The following ZNF804A variants were observed in gnomAD, a reference collection of about 807,000 sequenced individuals.
The protein encoded by ZNF804A is zinc finger protein 804A.
ZNF804A carries 2 observed loss-of-function variants against 16.5 expected under a neutral mutation model. That is an observed-to-expected ratio of 0.12 (90% confidence interval 0.05 to 0.38). The LOEUF (loss-of-function observed/expected upper bound fraction) is 0.38, where lower values mean the gene tolerates loss of function less well. ZNF804A is among the 10% of genes least tolerant of loss of function. The pLI, the probability that ZNF804A is intolerant of heterozygous loss-of-function variation, is 0.99. For synonymous variants in ZNF804A, 534 were observed against 489.6 expected, an observed-to-expected ratio of 1.09 and a Z score of -1.20; for missense variants, 1,473 against 1,390.7, an observed-to-expected ratio of 1.06 and a Z score of -0.94.
At chr2:184,684,545 C>A (rs954229109) in intron 1 of ZNF804A, among the ~76,000 whole-genome samples, 2 of 151,928 alleles carry the variant, frequency 1.3e-5, no homozygotes, top group Non-Finnish European at 2.9e-5. Context: ...GCTGAAGAAT[C>A]ATTTTTTGTT....
intron 2 of ZNF804A, among the ~76,000 whole-genome samples, chr2:184,899,814 T>A (rs991371464): frequency 5.3e-5 from 8 of 151,998 alleles, no homozygotes; most frequent in Non-Finnish European, 1.0e-4. Flanking sequence ...GTGCAAATAA[T>A]GCCTTGTGTT....
intron 1 of ZNF804A, among the ~76,000 whole-genome samples, chr2:184,791,539 AT>A (rs1694544123): frequency 6.6e-6 from 1 of 151,766 alleles, no homozygotes; most frequent in Non-Finnish European, 1.5e-5. Context: ...AACAGACTTT[AT>A]TTTTAGAGCA....
chr2:184,866,159 T>A (rs1695874591), intron 1 of ZNF804A, among the ~76,000 whole-genome samples: 1 of 152,304 alleles, frequency 6.6e-6, no homozygotes, highest in South Asian at 2.1e-4. Context: ...TTTGTGCTAT[T>A]TTTCTGTTAT....
At chr2:184,677,087 CTAT>C (rs995693522) in intron 1 of ZNF804A, among the ~76,000 whole-genome samples, 1 of 151,494 alleles carries the variant, frequency 6.6e-6, no homozygotes, top group African/African-American at 2.4e-5. Context: ...TATTTTTTCC[CTAT>C]TATTATCAGA....
intron 1 of ZNF804A, among the ~76,000 whole-genome samples, chr2:184,689,744 A>G (rs1003327879): frequency 2.6e-5 from 4 of 152,040 alleles, no homozygotes; most frequent in African/African-American, 9.7e-5. Context: ...CTGCTCTTCA[A>G]CAGGGCTGCC....
intron 2 of ZNF804A, among the ~76,000 whole-genome samples, chr2:184,870,587 G>A (rs980566445): frequency 1.2e-4 from 18 of 151,978 alleles, no homozygotes; most frequent in African/African-American, 4.3e-4. Context: ...ACTCTTCCAT[G>A]TGCCATTCAA....
In ZNF804A at chr2:184,879,204, A is replaced by G. The variant is rs563257145; in HGVS notation, c.255+12692A>G. ...ACATTCTTTATTAATGAATACAAAT[A>G]TTTGCAATCTTGGTAATTTGAGGTT... On this transcript the variant is annotated intron_variant, in intron 2 of 3. Transcript: ENST00000302277. 3.3e-5 allele frequency among the ~76,000 whole-genome samples: 5 copies of G among 152,080 alleles called. No individual in the cohort carries two copies. The South Asian group carries it at 6.2e-4, about 19-fold the overall frequency.
chr2:184,874,044 A>C (rs1439019892), intron 2 of ZNF804A, among the ~76,000 whole-genome samples: 1 of 152,162 alleles, frequency 6.6e-6, no homozygotes, highest in Non-Finnish European at 1.5e-5. Context: ...GTGCAAATTA[A>C]CTGTAGGTAG....
chr2:184,612,154 C>A (rs1691248478), intron 1 of ZNF804A, among the ~76,000 whole-genome samples: 2 of 152,146 alleles, frequency 1.3e-5, no homozygotes, highest in East Asian at 1.9e-4. Context: ...ATGATAGTTA[C>A]TTGCTGAAAG....
intron 1 of ZNF804A, among the ~76,000 whole-genome samples, chr2:184,748,231 C>T (rs550186331): frequency 6.6e-6 from 1 of 151,064 alleles, no homozygotes; most frequent in South Asian, 2.1e-4. Context: ...AACTAATTTA[C>T]ATTCCCACCA....
At chr2:184,763,762 C>A (rs540981159) in intron 1 of ZNF804A, among the ~76,000 whole-genome samples, 125 of 149,592 alleles carry the variant, frequency 8.4e-4, no homozygotes, top group African/African-American at 2.6e-3. Context: ...CCTGCCTCAG[C>A]CTCCTGAGTA....
At chr2:184,774,158 G>A (rs974930569) in intron 1 of ZNF804A, among the ~76,000 whole-genome samples, 4 of 151,894 alleles carry the variant, frequency 2.6e-5, no homozygotes, top group Non-Finnish European at 5.9e-5. Flanking sequence ...TGTATATAGT[G>A]TGGGGAATTT....
At chr2:184,853,356 G>C (rs1029779446) in intron 1 of ZNF804A, among the ~76,000 whole-genome samples, 1 of 151,794 alleles carries the variant, frequency 6.6e-6, no homozygotes, top group African/African-American at 2.4e-5. Context: ...CTCTATATAA[G>C]ATTATTTTAT....
intron 1 of ZNF804A, among the ~76,000 whole-genome samples, chr2:184,680,750 T>C (rs1442691223): frequency 6.6e-6 from 1 of 152,246 alleles, no homozygotes; most frequent in Non-Finnish European, 1.5e-5. Context: ...GAAAGAACTG[T>C]AACATGAACA....
intron 1 of ZNF804A, among the ~76,000 whole-genome samples, chr2:184,766,936 G>A (rs1472230726): frequency 6.6e-6 from 1 of 151,980 alleles, no homozygotes; most frequent in Non-Finnish European, 1.5e-5. Context: ...TTAGGGAAAG[G>A]CCATAATCCA....
chr2:184,660,966 C>A (rs998029683), intron 1 of ZNF804A, among the ~76,000 whole-genome samples: 1 of 152,182 alleles, frequency 6.6e-6, no homozygotes, highest in East Asian at 1.9e-4. Context: ...GTAGTTTGAA[C>A]AGTGTCTTGT....
At chr2:184,767,002 G>GA in intron 1 of ZNF804A, among the ~76,000 whole-genome samples, 1 of 152,094 alleles carries the variant, frequency 6.6e-6, no homozygotes, top group East Asian at 1.9e-4. Flanking sequence ...TGCAACTACA[G>GA]AAAAAAGGCC....
intron 1 of ZNF804A, among the ~76,000 whole-genome samples, chr2:184,846,342 T>C (rs1292320574): frequency 6.6e-6 from 1 of 152,166 alleles, no homozygotes; most frequent in Non-Finnish European, 1.5e-5. Flanking sequence ...CAGCAGATCA[T>C]TATATGCCTT....
At chr2:184,760,582 G>A (rs1233728636) in intron 1 of ZNF804A, among the ~76,000 whole-genome samples, 1 of 152,054 alleles carries the variant, frequency 6.6e-6, no homozygotes, top group African/African-American at 2.4e-5. Context: ...ACATATGGTA[G>A]CATATCTTTC....
Sources: gnomAD v4.1 joint callset for allele counts (sites outside exome capture counted in the v4.1 genomes callset) on GRCh38, gnomAD v4.1.1 for gene constraint, MANE v1.5 for transcripts, NCBI Gene and HGNC (gene_info 2026-07-23, HGNC 2026-07-21) for gene names.